POU6F2: variants seen among roughly 807,000 people sequenced by gnomAD.
POU6F2 encodes the protein POU class 6 homeobox 2.
Under a neutral mutation model 71.3 loss-of-function variants are expected in POU6F2, and 31 were observed. The ratio of observed to expected loss-of-function variants is 0.43; its 90% CI spans 0.33 to 0.59. The LOEUF is 0.59. Ranked by LOEUF, POU6F2 falls within the 20% of genes least tolerant of loss-of-function variation. The probability of loss-of-function intolerance (pLI) is 0.04; values close to 1 mark genes in which losing one functional copy is unlikely to be tolerated. For missense variants in POU6F2, 783 were observed against 856.8 expected (o/e 0.91, Z 1.07); for synonymous variants, 347 against 355.7 (o/e 0.98, Z 0.27).
chr7:39,235,200 A>C (rs888011143), intron 4 of POU6F2, among the ~76,000 whole-genome samples: 1 of 152,054 alleles, frequency 6.6e-6, no homozygotes, highest in Non-Finnish European at 1.5e-5. Flanking sequence ...TCATCTTCTT[A>C]GTAGCCTGCC....
chr7:39,284,070 C>T (rs1226438248), intron 4 of POU6F2, among the ~76,000 whole-genome samples: 5 of 152,126 alleles, frequency 3.3e-5, no homozygotes, highest in African/African-American at 7.2e-5. Context: ...CAAGCCTCTC[C>T]GGTATTATCA....
chr7:38,995,465 G>C (rs919172558), intron 1 of POU6F2, among the ~76,000 whole-genome samples: 2 of 151,392 alleles, frequency 1.3e-5, no homozygotes, highest in Non-Finnish European at 2.9e-5. Flanking sequence ...AAAACTTAAA[G>C]TATAATACAA....
At chr7:39,047,623 C>T (rs891792498) in intron 1 of POU6F2, among the ~76,000 whole-genome samples, 1 of 151,842 alleles carries the variant, frequency 6.6e-6, no homozygotes, top group Non-Finnish European at 1.5e-5. Flanking sequence ...TTTCTCCATA[C>T]AAGATTATGT....
intron 6 of POU6F2, among the ~76,000 whole-genome samples, chr7:39,408,127 G>A (rs61223906): frequency 0.38 from 58,486 of 152,068 alleles, 11,809 homozygotes; most frequent in East Asian, 0.61. Flanking sequence ...TTTAATGTCT[G>A]TAACTCATAC....
At chr7:39,002,638 C>T (rs899838229) in intron 1 of POU6F2, among the ~76,000 whole-genome samples, 13 of 152,218 alleles carry the variant, frequency 8.5e-5, no homozygotes, top group African/African-American at 3.1e-4. Context: ...TGAGCCACCA[C>T]ACCCGGCCAG....
chr7:39,076,057 G>A (rs1790996776), intron 1 of POU6F2, among the ~76,000 whole-genome samples: 1 of 152,110 alleles, frequency 6.6e-6, no homozygotes, highest in East Asian at 1.9e-4. Context: ...AAGATAGCTG[G>A]GTGAGGCCTC....
chr7:39,319,812 G>C (rs976719354), intron 4 of POU6F2, among the ~76,000 whole-genome samples: 1 of 152,234 alleles, frequency 6.6e-6, no homozygotes, highest in Admixed American at 6.5e-5. Context: ...AGGGGAAAGA[G>C]TCCCTACTCC....
At chr7:39,029,460 T>C (rs957405910) in intron 1 of POU6F2, among the ~76,000 whole-genome samples, 1 of 151,450 alleles carries the variant, frequency 6.6e-6, no homozygotes, top group African/African-American at 2.4e-5. Context: ...AAGGTACTTG[T>C]CATTTTTCAT....
chr7:39,439,238 G>A (rs1583604507), intron 7 of POU6F2, among the ~76,000 whole-genome samples: 1 of 147,102 alleles, frequency 6.8e-6, no homozygotes, highest in East Asian at 2.0e-4. Flanking sequence ...CCTTTATTTT[G>A]AGCCTACGTG....
At chr7:39,356,715 A>G (rs966799906) in intron 5 of POU6F2, among the ~76,000 whole-genome samples, 2 of 152,210 alleles carry the variant, frequency 1.3e-5, no homozygotes, top group Non-Finnish European at 2.9e-5. Flanking sequence ...TTCTTGACGA[A>G]GATAACGATG....
At chr7:39,322,898 G>A (rs774220520) in intron 4 of POU6F2, among the ~76,000 whole-genome samples, 1 of 152,152 alleles carries the variant, frequency 6.6e-6, no homozygotes, top group East Asian at 1.9e-4. Context: ...CTAGAACCCT[G>A]AGCAGTGGAT....
chr7:39,209,179 C>G (rs1044915581), intron 4 of POU6F2, among the ~76,000 whole-genome samples: 5 of 151,852 alleles, frequency 3.3e-5, no homozygotes, highest in African/African-American at 7.3e-5. Context: ...CAAGATTTTC[C>G]CTTTTGTTTT....
intron 5 of POU6F2, among the ~76,000 whole-genome samples, chr7:39,375,845 T>C (rs896836592): frequency 2.0e-5 from 3 of 151,996 alleles, no homozygotes; most frequent in African/African-American, 7.3e-5. Flanking sequence ...GAAAGAGCAA[T>C]TTGGGGGTGG....
At chr7:39,041,050 A>G (rs550512619) in intron 1 of POU6F2, among the ~76,000 whole-genome samples, 5 of 152,114 alleles carry the variant, frequency 3.3e-5, no homozygotes, top group South Asian at 2.1e-4. Flanking sequence ...ATCAGCAAAC[A>G]CTACTCAAGG....
At chr7:39,181,865 T>C (rs538018140) in intron 2 of POU6F2, among the ~76,000 whole-genome samples, 1 of 152,334 alleles carries the variant, frequency 6.6e-6, no homozygotes, top group South Asian at 2.1e-4. Context: ...TCCTTCCTCT[T>C]GTTCAAAACC....
intron 5 of POU6F2, among the ~76,000 whole-genome samples, chr7:39,374,415 A>T (rs1786671571): frequency 6.6e-6 from 1 of 152,102 alleles, no homozygotes; most frequent in Non-Finnish European, 1.5e-5. Flanking sequence ...CCTTTTCTTG[A>T]ACTCCAATCT....
chr7:39,035,506 GGAACT>G (rs1288058117), intron 1 of POU6F2, among the ~76,000 whole-genome samples: 1 of 152,116 alleles, frequency 6.6e-6, no homozygotes, highest in Non-Finnish European at 1.5e-5. Flanking sequence ...ATCCCACAGG[GGAACT>G]GGCAGCGACA....
intron 4 of POU6F2, among the ~76,000 whole-genome samples, chr7:39,289,132 C>G (rs1374050115): frequency 6.6e-6 from 1 of 152,190 alleles, no homozygotes; most frequent in African/African-American, 2.4e-5. Context: ...ATGAACCCCT[C>G]CTCATTGGTT....
intron 1 of POU6F2, among the ~76,000 whole-genome samples, chr7:39,004,173 A>T (rs1180698958): frequency 6.6e-6 from 1 of 152,218 alleles, no homozygotes; most frequent in East Asian, 1.9e-4. Context: ...CAGTGCCTTA[A>T]GGAAACAAAT....
Sources: gnomAD v4.1 joint callset for allele counts (sites outside exome capture counted in the v4.1 genomes callset) on GRCh38, gnomAD v4.1.1 for gene constraint, MANE v1.5 for transcripts, NCBI Gene and HGNC (gene_info 2026-07-23, HGNC 2026-07-21) for gene names.